Variants in PXDNL observed in about 807,000 individuals in gnomAD.
PXDNL encodes the protein peroxidasin like.
In PXDNL, 145 loss-of-function variants were observed where a neutral mutation model predicts 150.8. The observed-to-expected ratio is 0.96, with a 90% CI of 0.84 to 1.10. PXDNL has a LOEUF of 1.10. Among genes scored for constraint, PXDNL ranks in the 50% least tolerant of loss-of-function variants. The pLI is 0.00. For synonymous variants in PXDNL, 757 were observed against 725.7 expected (o/e 1.04, Z -0.69); for missense variants, 2,087 against 1,873.9 (o/e 1.11, Z -2.10).
At chr8:51,529,378 A>G (rs780850639) in intron 4 of PXDNL, among the ~76,000 whole-genome samples, 20 of 152,260 alleles carry the variant, frequency 1.3e-4, no homozygotes, top group South Asian at 2.1e-4. Context: ...TGCTTCCACC[A>G]TCATCTTACT....
At chr8:51,381,916 C>T (rs1807561636) in intron 17 of PXDNL, among the ~76,000 whole-genome samples, 1 of 151,864 alleles carries the variant, frequency 6.6e-6, no homozygotes, top group Non-Finnish European at 1.5e-5. Context: ...CTACTGCTGA[C>T]TTTAACTTTC....
rs1282631556 is a variant in PXDNL, at chr8:51,499,784, A to T, written c.381-14T>A. On this transcript the variant is annotated splice_polypyrimidine_tract_variant and intron_variant, in intron 4 of 22. Transcript: ENST00000356297. Reference sequence around the variant, plus strand: ...AAATGAATATACCTGGAAGGCAAAAAATCAAGTTGGTTACTCCTTGTGCTG... The same window carrying T: ...AAATGAATATACCTGGAAGGCAAAATATCAAGTTGGTTACTCCTTGTGCTG... The T allele has an allele frequency of 5.6e-6, 9 of 1,593,788 alleles. No individual in the cohort carries two copies. The highest frequency in any genetic ancestry group is 7.7e-6 in the Non-Finnish European group (9 of 1,161,944).
chr8:51,358,023 A>G (rs1215944211), intron 19 of PXDNL, among the ~76,000 whole-genome samples: 6 of 152,228 alleles, frequency 3.9e-5, no homozygotes, highest in Admixed American at 3.9e-4. Context: ...AGAAGAAAAG[A>G]TTCATTATAA....
intron 9 of PXDNL, among the ~76,000 whole-genome samples, chr8:51,454,690 G>A (rs912926377): frequency 4.6e-5 from 7 of 152,010 alleles, no homozygotes; most frequent in African/African-American, 1.7e-4. Flanking sequence ...TCTGGAAAGT[G>A]GAAATAAATT....
intron 14 of PXDNL, among the ~76,000 whole-genome samples, chr8:51,418,885 G>T (rs1452369209): frequency 6.6e-6 from 1 of 152,072 alleles, no homozygotes; most frequent in Non-Finnish European, 1.5e-5. Flanking sequence ...AATGATGAAA[G>T]GCTGAGCCAT....
intron 17 of PXDNL, among the ~76,000 whole-genome samples, chr8:51,383,687 G>A (rs532509824): frequency 6.6e-6 from 1 of 152,250 alleles, no homozygotes; most frequent in East Asian, 1.9e-4. Flanking sequence ...AGAGTAAACA[G>A]TCTAGCTATA....
intron 4 of PXDNL, among the ~76,000 whole-genome samples, chr8:51,527,255 C>A (rs914937091): frequency 2.6e-5 from 4 of 151,174 alleles, no homozygotes; most frequent in African/African-American, 4.9e-5. Context: ...CCTTCACACA[C>A]CCCCTTCCTA....
At chr8:51,671,371 T>A (rs780097175) in intron 1 of PXDNL, among the ~76,000 whole-genome samples, 7 of 152,220 alleles carry the variant, frequency 4.6e-5, no homozygotes, top group Non-Finnish European at 1.0e-4. Context: ...TCCTTTGGAA[T>A]TAGAAGCTAC....
intron 1 of PXDNL, among the ~76,000 whole-genome samples, chr8:51,656,226 A>T (rs570707542): frequency 6.6e-6 from 1 of 152,252 alleles, no homozygotes; most frequent in African/African-American, 2.4e-5. Context: ...ACAAAACTTT[A>T]TAAGAGTACC....
chr8:51,490,727 AGTGTGTGT>A (rs35415972), intron 5 of PXDNL, among the ~76,000 whole-genome samples: 28,985 of 146,838 alleles, frequency 0.2, 2,957 homozygotes, highest in African/African-American at 0.25. Context: ...TTGACTTTCT[AGTGTGTGT>A]GTGTGTGTGT....
At chr8:51,327,623 G>T (rs1379582962) in intron 21 of PXDNL, among the ~76,000 whole-genome samples, 1 of 152,176 alleles carries the variant, frequency 6.6e-6, no homozygotes, top group Admixed American at 6.5e-5. Flanking sequence ...AATGTTTTAT[G>T]CAAGAGCATG....
At chr8:51,563,063 C>T (rs2130564336) in intron 3 of PXDNL, among the ~76,000 whole-genome samples, 1 of 152,012 alleles carries the variant, frequency 6.6e-6, no homozygotes, top group Middle Eastern at 3.4e-3. Flanking sequence ...TTGTGTTTCA[C>T]CTCACAGAAT....
chr8:51,803,743 C>T (rs577818178), intron 1 of PXDNL, among the ~76,000 whole-genome samples: 5 of 152,250 alleles, frequency 3.3e-5, no homozygotes, highest in African/African-American at 7.2e-5. Flanking sequence ...TTTACTTGAC[C>T]GTGGAGCATT....
intron 1 of PXDNL, among the ~76,000 whole-genome samples, chr8:51,686,687 G>A (rs1815883840): frequency 6.6e-6 from 1 of 152,084 alleles, no homozygotes; most frequent in Non-Finnish European, 1.5e-5. Flanking sequence ...AAATAGATAA[G>A]AAGTTAAATC....
intron 20 of PXDNL, among the ~76,000 whole-genome samples, chr8:51,342,387 G>A (rs1806013556): frequency 6.6e-6 from 1 of 151,792 alleles, no homozygotes; most frequent in Non-Finnish European, 1.5e-5. Context: ...CATAGTAAAG[G>A]TAGCACATGT....
chr8:51,628,374 A>T (rs1175826328), intron 2 of PXDNL, among the ~76,000 whole-genome samples: 238 of 97,080 alleles, frequency 2.5e-3, no homozygotes, highest in Admixed American at 3.9e-3. Context: ...TTCCTTTTTC[A>T]TCTCTCTCTG....
intron 3 of PXDNL, among the ~76,000 whole-genome samples, chr8:51,566,952 T>G (rs945033110): frequency 6.6e-6 from 1 of 151,756 alleles, no homozygotes; most frequent in East Asian, 1.9e-4. Context: ...CTGCTTTAAC[T>G]GCATCCCGCG....
chr8:51,644,412 G>A lies in PXDNL; in HGVS notation c.236+10277C>T, dbSNP rs1006688146. Among the ~76,000 whole-genome samples the A allele has an allele frequency of 2.0e-4, 9 of 45,104 alleles. No individual in the cohort carries two copies. In the East Asian group the frequency reaches 2.3e-3, roughly 11 times the overall value. 29.6% of individuals were successfully genotyped at this position (45,104 alleles called of 152,430 possible). A position where few individuals can be genotyped will look rare whatever the true frequency, so the allele number is the denominator to read the frequency against. On this transcript the variant is annotated intron_variant, in intron 2 of 22. Transcript: ENST00000356297. Reference sequence around the variant, plus strand: ...TATGTGTATATATATACACATGTGTGTGTATATATATACACATATGTGTGT... The same window carrying A: ...TATGTGTATATATATACACATGTGTATGTATATATATACACATATGTGTGT...
At chr8:51,727,788 T>C (rs1050759774) in intron 1 of PXDNL, among the ~76,000 whole-genome samples, 1 of 152,200 alleles carries the variant, frequency 6.6e-6, no homozygotes, top group Non-Finnish European at 1.5e-5. Flanking sequence ...TCAGGAAATG[T>C]CTTAACTTTG....
Sources: gnomAD v4.1 joint callset for allele counts (sites outside exome capture counted in the v4.1 genomes callset) on GRCh38, gnomAD v4.1.1 for gene constraint, MANE v1.5 for transcripts, NCBI Gene and HGNC (gene_info 2026-07-23, HGNC 2026-07-21) for gene names.